Variants in CSMD1 observed in about 807,000 individuals in gnomAD.
CSMD1 encodes the protein CUB and Sushi multiple domains 1, also known as CUB and sushi domain-containing protein 1.
Under a neutral mutation model 417.5 loss-of-function variants are expected in CSMD1, and 213 were observed. That is an observed-to-expected ratio of 0.51 (90% confidence interval 0.46 to 0.57). The LOEUF is 0.57. Ranked by LOEUF, CSMD1 falls within the 20% of genes least tolerant of loss-of-function variation. The pLI, the probability that CSMD1 is intolerant of heterozygous loss-of-function variation, is 0.00. For synonymous variants in CSMD1, 2,862 were observed against 1,736.8 expected (o/e 1.65, Z -16.11); for missense variants, 6,923 against 4,529.7 (o/e 1.53, Z -15.17).
intron 1 of CSMD1, among the ~76,000 whole-genome samples, chr8:4,910,822 T>C (rs1805616674): frequency 6.6e-6 from 1 of 152,142 alleles, no homozygotes. Context: ...TGTCATTAGA[T>C]AGTCATCAAA....
intron 62 of CSMD1, among the ~76,000 whole-genome samples, chr8:2,959,558 AT>A (rs139682418): frequency 0.13 from 19,361 of 150,428 alleles, 1,657 homozygotes; most frequent in Non-Finnish European, 0.18. Context: ...CTTCTCAATA[AT>A]TTTTTTTTTA....
At chr8:3,239,914 G>A (rs1474766547) in intron 26 of CSMD1, among the ~76,000 whole-genome samples, 1 of 151,958 alleles carries the variant, frequency 6.6e-6, no homozygotes. Context: ...AGGAACAATG[G>A]TAATTGTGGG....
At chr8:4,829,197 A>G (rs1335126835) in intron 1 of CSMD1, among the ~76,000 whole-genome samples, 1 of 152,204 alleles carries the variant, frequency 6.6e-6, no homozygotes, top group Non-Finnish European at 1.5e-5. Flanking sequence ...TCAATCTTCT[A>G]ATAAAGACTG....
At position 3,345,894 on chromosome 8, in the gene CSMD1, A is replaced by T. The variant is rs149093895; in HGVS notation, c.3474+2098T>A. ...AAATTAATTGCGTTTTCCATTCTATATTCCTTTCATGACATGCTTCTGAGA... is the reference window on the plus strand; with the variant it reads ...AAATTAATTGCGTTTTCCATTCTATTTTCCTTTCATGACATGCTTCTGAGA... On this transcript the variant is annotated intron_variant, in intron 22 of 69. Coordinates refer to ENST00000635120, the MANE Select transcript of CSMD1 (RefSeq NM_033225.6). 2.3e-3 allele frequency among the ~76,000 whole-genome samples: 357 copies of T among 152,276 alleles called. 2 individuals are homozygous for T. The highest frequency in any genetic ancestry group is 7.9e-3 in the African/African-American group (330 of 41,550).
At position 3,689,986 on chromosome 8, in the gene CSMD1, A is replaced by C. The variant is rs149889060; in HGVS notation, c.1009+18428T>G. ...CACCAGTAAGTACTGACATATGCCT[A>C]ATATTTTAACAAGGTAAGGGTGGTC... On this transcript the variant is annotated intron_variant, in intron 7 of 69. Transcript: ENST00000635120. 4.7e-3 allele frequency among the ~76,000 whole-genome samples: 712 copies of C among 152,362 alleles called. 9 individuals carry two copies. The highest frequency in any genetic ancestry group is 0.016 in the African/African-American group (676 of 41,584).
At chr8:3,023,943 C>G (rs567694261) in intron 51 of CSMD1, among the ~76,000 whole-genome samples, 5 of 151,824 alleles carry the variant, frequency 3.3e-5, no homozygotes, top group African/African-American at 1.2e-4. Context: ...TGGTCCTGAT[C>G]CAACAGAACA....
chr8:4,791,266 G>A (rs1328788538), intron 1 of CSMD1, among the ~76,000 whole-genome samples: 1 of 152,162 alleles, frequency 6.6e-6, no homozygotes, highest in Non-Finnish European at 1.5e-5. Flanking sequence ...TGCCTGTCAT[G>A]GACACAGACC....
chr8:4,661,663 C>T (rs1198842003), intron 1 of CSMD1, among the ~76,000 whole-genome samples: 1 of 152,096 alleles, frequency 6.6e-6, no homozygotes, highest in African/African-American at 2.4e-5. Context: ...CAAGATATCT[C>T]TCCGTATTAT....
At chr8:3,116,098 A>C (rs1816850889) in intron 42 of CSMD1, among the ~76,000 whole-genome samples, 2 of 152,190 alleles carry the variant, frequency 1.3e-5, no homozygotes, top group Non-Finnish European at 2.9e-5. Context: ...TGAAGCAACG[A>C]CTTTTTTAAG....
intron 8 of CSMD1, among the ~76,000 whole-genome samples, chr8:3,612,957 A>T (rs1374514131): frequency 1.3e-5 from 2 of 152,076 alleles, no homozygotes; most frequent in Non-Finnish European, 2.9e-5. Flanking sequence ...ATTGAAGAGA[A>T]ACTAAACAAT....
At chr8:3,741,407 T>A (rs1007813272) in intron 6 of CSMD1, among the ~76,000 whole-genome samples, 2 of 152,180 alleles carry the variant, frequency 1.3e-5, no homozygotes, top group East Asian at 1.9e-4. Context: ...GGCCAGGTTA[T>A]CCCATCCAGC....
chr8:4,481,159 G>T (rs561492452), intron 2 of CSMD1, among the ~76,000 whole-genome samples: 1 of 152,142 alleles, frequency 6.6e-6, no homozygotes, highest in African/African-American at 2.4e-5. Flanking sequence ...GTAAGATTCC[G>T]AATACACATC....
At chr8:4,326,277 G>A (rs979670018) in intron 3 of CSMD1, among the ~76,000 whole-genome samples, 1 of 152,128 alleles carries the variant, frequency 6.6e-6, no homozygotes, top group Non-Finnish European at 1.5e-5. Flanking sequence ...CACATACGGT[G>A]GGAGACTCAG....
intron 49 of CSMD1, among the ~76,000 whole-genome samples, chr8:3,056,253 A>G (rs17079192): frequency 0.056 from 8,470 of 152,296 alleles, 785 homozygotes; most frequent in African/African-American, 0.19. Context: ...AGAGACGTCC[A>G]GTGTTGTCTG....
At chr8:4,439,650 G>A (rs1798349592) in intron 2 of CSMD1, among the ~76,000 whole-genome samples, 1 of 152,190 alleles carries the variant, frequency 6.6e-6, no homozygotes, top group African/African-American at 2.4e-5. Flanking sequence ...CAAAATGGAA[G>A]TTGGTAGGAG....
rs74321058 is a variant in CSMD1 at position 4,902,452 on chromosome 8, G to A, written c.85+91880C>T. ...AAGAGGAGAAAAAAAAAAAAGAAAG[G>A]AAACTACTCTATAATCTTTTCAGGA... On this transcript the variant is annotated intron_variant, in intron 1 of 69. Coordinates refer to ENST00000635120, the MANE Select transcript of CSMD1 (RefSeq NM_033225.6). Among the ~76,000 whole-genome samples, 980 of 151,062 alleles carry A rather than the reference G, an allele frequency of 6.5e-3. 12 individuals carry two copies. The highest frequency in any genetic ancestry group is 0.023 in the African/African-American group (934 of 41,228).
At chr8:3,824,774 T>C (rs1005243757) in intron 5 of CSMD1, among the ~76,000 whole-genome samples, 17 of 152,066 alleles carry the variant, frequency 1.1e-4, no homozygotes, top group Non-Finnish European at 2.1e-4. Context: ...GCTCACAATA[T>C]ATTGGACAGC....
intron 11 of CSMD1, among the ~76,000 whole-genome samples, chr8:3,491,126 G>C (rs373689012): frequency 1.3e-3 from 202 of 152,284 alleles, no homozygotes; most frequent in African/African-American, 4.6e-3. Context: ...GCTTATAGAA[G>C]TGAAAGAATG....
At chr8:3,225,391 C>CTT (rs113674126) in intron 27 of CSMD1, among the ~76,000 whole-genome samples, 182 of 145,708 alleles carry the variant, frequency 1.2e-3, no homozygotes, top group African/African-American at 2.9e-3. Context: ...CCCAGTATGA[C>CTT]TTTTTTTTTT....
Sources: allele counts gnomAD v4.1 joint callset (sites outside exome capture counted in the v4.1 genomes callset), GRCh38; gene constraint gnomAD v4.1.1; transcripts MANE v1.5; gene names NCBI Gene and HGNC (gene_info 2026-07-23, HGNC 2026-07-21).